The following ADAMTS2 variants were observed in gnomAD, a reference collection of about 807,000 sequenced individuals.
ADAMTS2 encodes the protein A disintegrin and metalloproteinase with thrombospondin motifs 2.
In ADAMTS2, 50 loss-of-function variants were observed where a neutral mutation model predicts 123.0. That is an observed-to-expected ratio of 0.41 (90% confidence interval 0.32 to 0.51). The LOEUF is 0.51. ADAMTS2 is among the 20% of genes least tolerant of loss of function. The pLI is 0.35. For synonymous variants in ADAMTS2, 678 were observed against 695.4 expected (o/e 0.98, Z 0.39); for missense variants, 1,494 against 1,705.2 (o/e 0.88, Z 2.18).
chr5:179,334,939 G>A (rs1338697352), intron 2 of ADAMTS2, among the ~76,000 whole-genome samples: 5 of 152,144 alleles, frequency 3.3e-5, no homozygotes, highest in African/African-American at 1.2e-4. Context: ...GAAATAAGCT[G>A]AAAAAATATA....
At chr5:179,325,560 A>C (rs1199226108) in intron 2 of ADAMTS2, among the ~76,000 whole-genome samples, 1 of 152,244 alleles carries the variant, frequency 6.6e-6, no homozygotes, top group African/African-American at 2.4e-5. Flanking sequence ...GGCCAGCCGA[A>C]GTCCTGCTCC....
intron 5 of ADAMTS2, among the ~76,000 whole-genome samples, chr5:179,169,914 C>G (rs7704239): frequency 0.18 from 26,762 of 152,184 alleles, 2,507 homozygotes; most frequent in African/African-American, 0.24. Flanking sequence ...TTCTCTGATG[C>G]TCCCCAAGTC....
chr5:179,208,508 G>T (rs1421364498), intron 3 of ADAMTS2, among the ~76,000 whole-genome samples: 1 of 152,138 alleles, frequency 6.6e-6, no homozygotes, highest in African/African-American at 2.4e-5. Context: ...CCCAGGGTGT[G>T]CCCCTGGCCA....
At chr5:179,123,457 G>A (rs911034924) in intron 19 of ADAMTS2, among the ~76,000 whole-genome samples, 7 of 152,274 alleles carry the variant, frequency 4.6e-5, no homozygotes, top group African/African-American at 1.2e-4. Context: ...ACAGGATCTC[G>A]CTGTGTGGCC....
chr5:179,233,931 C>T (rs963820790), intron 3 of ADAMTS2, among the ~76,000 whole-genome samples: 2 of 152,070 alleles, frequency 1.3e-5, no homozygotes, highest in Non-Finnish European at 2.9e-5. Context: ...AGCCAAACAT[C>T]CTCTCCCTCA....
intron 3 of ADAMTS2, among the ~76,000 whole-genome samples, chr5:179,257,622 GGAC>G (rs1195189783): frequency 6.6e-6 from 1 of 152,196 alleles, no homozygotes; most frequent in Admixed American, 6.5e-5. Flanking sequence ...AAGAACAACA[GGAC>G]GACCGCAGGT....
chr5:179,123,786 G>A (rs1415576552), intron 19 of ADAMTS2, among the ~76,000 whole-genome samples: 2 of 152,222 alleles, frequency 1.3e-5, no homozygotes, highest in African/African-American at 4.8e-5. Context: ...CTCATGGAAG[G>A]CTCCACCTAT....
At position 179,314,003 on chromosome 5, in the gene ADAMTS2, C is replaced by T. The variant is rs534236548; in HGVS notation, c.534+29764G>A. On this transcript the variant is annotated intron_variant, in intron 2 of 21. Coordinates refer to ENST00000251582, the MANE Select transcript of ADAMTS2 (RefSeq NM_014244.5). The surrounding 1 kb of genome is among the most constrained non-coding windows in gnomAD (Gnocchi z 4.5). Reference sequence around the variant, plus strand: ...ACACCGAGACAGAGGAGGGCCTGGCCGGAGCAGGGGTGTCAGCTCCAGGAC... The same window carrying T: ...ACACCGAGACAGAGGAGGGCCTGGCTGGAGCAGGGGTGTCAGCTCCAGGAC... Among the ~76,000 whole-genome samples, 22 of 152,012 alleles carry T rather than the reference C, an allele frequency of 1.4e-4. No homozygotes were observed. Among genetic ancestry groups the T allele is most frequent in the Non-Finnish European group, 2.4e-4 (16 of 67,966 alleles).
chr5:179,165,157 C>T (rs1290806428), intron 5 of ADAMTS2, among the ~76,000 whole-genome samples: 1 of 152,198 alleles, frequency 6.6e-6, no homozygotes, highest in East Asian at 1.9e-4. Flanking sequence ...TCCAGCGGGA[C>T]CACCTGCTGG....
intron 3 of ADAMTS2, among the ~76,000 whole-genome samples, chr5:179,270,467 C>A (rs1766499415): frequency 6.6e-6 from 1 of 152,200 alleles, no homozygotes; most frequent in South Asian, 2.1e-4. Context: ...CAGGGCCACA[C>A]TGATATATCA....
chr5:179,272,886 G>T lies in ADAMTS2; in HGVS notation c.688+25C>A. 1.2e-6 allele frequency: 2 copies of T among 1,603,786 alleles called. No homozygotes were observed. ...AGGGCCTCAGAGGGCTCTCCACACA[G>T]CCTGCCCACCTGCAGTAGCCTCACC... On this transcript the variant is annotated intron_variant, in intron 3 of 21. Coordinates refer to ENST00000251582, the MANE Select transcript of ADAMTS2 (RefSeq NM_014244.5). The surrounding 1 kb of genome is among the most constrained non-coding windows in gnomAD (Gnocchi z 5.8).
intron 3 of ADAMTS2, among the ~76,000 whole-genome samples, chr5:179,251,359 T>C (rs1765920058): frequency 6.6e-6 from 1 of 152,222 alleles, no homozygotes; most frequent in Non-Finnish European, 1.5e-5. Context: ...AAGGACCCAA[T>C]GTAGAAATTA....
chr5:179,171,494 G>C (rs1472417953), intron 5 of ADAMTS2, among the ~76,000 whole-genome samples: 3 of 152,026 alleles, frequency 2.0e-5, no homozygotes, highest in African/African-American at 4.8e-5. Context: ...TCATAGCCTC[G>C]GCTCACTTCC....
rs766707555 is a variant in ADAMTS2, at chr5:179,343,976, G to T, written c.325C>A (p.Leu109Ile). ...GGNEEEPGSHLFYNVTVFGRD... is the reference protein window; with the variant it reads ...GGNEEEPGSHIFYNVTVFGRD... ...CCAAAGACCGTGACATTGTAGAAGA[G>T]GTGACTGCCAGGCTCCTCCTCGTTG... Residue 109 changes from leucine to isoleucine, a missense_variant, in exon 2 of 22, where the codon CTC becomes ATC. Physicochemically the swap from Leu to Ile is conservative, Grantham distance 5 (BLOSUM62 2). Transcript: ENST00000251582. 3 of 1,612,704 alleles carry T rather than the reference G, an allele frequency of 1.9e-6. No individual in the cohort carries two copies. In the South Asian group the frequency reaches 3.3e-5, roughly 18 times the overall value.
chr5:179,277,098 C>T (rs1471170636), intron 2 of ADAMTS2, among the ~76,000 whole-genome samples: 5 of 152,034 alleles, frequency 3.3e-5, no homozygotes, highest in South Asian at 2.1e-4. Flanking sequence ...CCCCTGCAGG[C>T]GACTCCTCGG....
At chr5:179,281,192 G>A (rs568951590) in intron 2 of ADAMTS2, among the ~76,000 whole-genome samples, 1 of 152,316 alleles carries the variant, frequency 6.6e-6, no homozygotes, top group Non-Finnish European at 1.5e-5. Flanking sequence ...CAGCTTTATG[G>A]TGCTGTGATT....
In ADAMTS2 at chr5:179,213,465, G is replaced by T. The variant is rs1764907097; in HGVS notation, c.689-5750C>A. Among the ~76,000 whole-genome samples the T allele has an allele frequency of 1.3e-5, 2 of 152,196 alleles. 1 individual carries two copies. The highest frequency in any genetic ancestry group is 4.1e-4 in the South Asian group (2 of 4,822). On this transcript the variant is annotated intron_variant, in intron 3 of 21. Transcript: ENST00000251582. Reference sequence around the variant, plus strand: ...CCAGTGCCCCACAGGTAACCGCAGGGCTGTGAGGGGCCTGGAGCCATGGCA... The same window carrying T: ...CCAGTGCCCCACAGGTAACCGCAGGTCTGTGAGGGGCCTGGAGCCATGGCA...
intron 5 of ADAMTS2, among the ~76,000 whole-genome samples, chr5:179,176,779 G>A (rs541853794): frequency 3.3e-5 from 5 of 152,334 alleles, no homozygotes; most frequent in South Asian, 2.1e-4. Flanking sequence ...ACCCCTTGGC[G>A]GGAGACGCAG....
intron 4 of ADAMTS2, among the ~76,000 whole-genome samples, chr5:179,182,144 GT>G (rs1190715485): frequency 6.6e-6 from 1 of 152,214 alleles, no homozygotes; most frequent in African/African-American, 2.4e-5. Flanking sequence ...AGCACAAGGT[GT>G]GTTATTTCTG....
Sources: allele counts gnomAD v4.1 joint callset (sites outside exome capture counted in the v4.1 genomes callset), GRCh38; gene constraint gnomAD v4.1.1; non-coding constraint Gnocchi (gnomAD v3.1); transcripts MANE v1.5; gene names NCBI Gene and HGNC (gene_info 2026-07-23, HGNC 2026-07-21).